Variants in TRAPPC2 observed in about 807,000 individuals in gnomAD.
The protein encoded by TRAPPC2 is sedlin.
Under a neutral mutation model 10.0 loss-of-function variants are expected in TRAPPC2, and 4 were observed. The observed-to-expected ratio is 0.40, with a 90% CI of 0.20 to 0.92. The LOEUF is 0.92. TRAPPC2 is among the 40% of genes least tolerant of loss of function. The pLI, the probability that TRAPPC2 is intolerant of heterozygous loss-of-function variation, is 0.35. For synonymous variants in TRAPPC2, 36 were observed against 37.3 expected (o/e 0.97, Z 0.12); for missense variants, 52 against 108.7 (o/e 0.48, Z 2.32).
Position 13,734,137 on chromosome X carries a change from C to A in TRAPPC2, c.-113G>T. 2.0e-6 allele frequency: 1 copy of A among 511,418 alleles called. No homozygotes were observed. The allele number at this position is 511,418 out of a possible 1,213,427, so 42.1% of individuals were successfully genotyped here. A position where few individuals can be genotyped will look rare whatever the true frequency, so the allele number is the denominator to read the frequency against. ...ATCTTGCTTCCAAGAGGACATCTGG[C>A]AATATCTGGAGACATCTTTGGTTGT... On this transcript the variant is annotated 5_prime_UTR_variant, in exon 2 of 6. Coordinates refer to ENST00000380579, the MANE Select transcript of TRAPPC2 (RefSeq NM_001011658.4).
chrX:13,725,747 G>C (rs1233023069), intron 2 of TRAPPC2, among the ~76,000 whole-genome samples: 1 of 112,395 alleles, frequency 8.9e-6, no homozygotes, highest in African/African-American at 3.2e-5. Flanking sequence ...AAAGCTGGAC[G>C]GAGAATGACT....
rs1388610068 is a variant in TRAPPC2 at position 13,716,089 on chromosome X, T to C, written c.239A>G (p.His80Arg). 8.4e-7 allele frequency: 1 copy of C among 1,185,460 alleles called. No homozygotes were observed. Among genetic ancestry groups the C allele is most frequent in the African/African-American group, 1.8e-5 (1 of 56,759 alleles). ...WFVSAFVTAG[H>R]MRFIMLHDIR... ...GTCATGAAGCATAATAAACCTCATATGTGAAATAATTAAGGCATAATCTTT... is the reference window on the plus strand; with the variant it reads ...GTCATGAAGCATAATAAACCTCATACGTGAAATAATTAAGGCATAATCTTT... Residue 80 changes from histidine (H) to arginine (R), a missense_variant and splice_region_variant, in exon 5 of 6, where the codon CAT becomes CGT. By Grantham distance (29) the His-to-Arg change is conservative. Coordinates refer to ENST00000380579, the MANE Select transcript of TRAPPC2 (RefSeq NM_001011658.4).
intron 2 of TRAPPC2, among the ~76,000 whole-genome samples, chrX:13,730,995 A>G (rs914450584): frequency 9.0e-6 from 1 of 111,293 alleles, no homozygotes; most frequent in African/African-American, 3.3e-5. Flanking sequence ...GCAGCAAACC[A>G]ACATGGCACA....
rs1482329548 is a variant in TRAPPC2, at chrX:13,716,372, T to C, written c.238+162A>G. ...TAAAATTAGCTATTAAACAAAATGT[T>C]TTTCCCCCCTAAAAAAAGAAAAGTA... On this transcript the variant is annotated intron_variant, in intron 4 of 5. Transcript: ENST00000380579. The C allele has an allele frequency of 7.6e-6, 5 of 655,754 alleles. No homozygotes were observed. In the Admixed American group the frequency reaches 1.8e-4, roughly 24 times the overall value. The allele number at this position is 655,754 out of a possible 1,213,427, so 54.0% of individuals were successfully genotyped here. A position where few individuals can be genotyped will look rare whatever the true frequency, so the allele number is the denominator to read the frequency against.
rs145788571 is a variant in TRAPPC2 at position 13,724,963 on chromosome X, C to T, written c.-19-4981G>A. On this transcript the variant is annotated intron_variant, in intron 2 of 5. Transcript: ENST00000380579. The stretch of plus-strand genomic sequence containing the variant: ...AGGAGATTCTCTCCCATGCCTGGCT[C>T]GGCAGGTCCCACGCCCACGGAGCCT... 6.6e-3 allele frequency among the ~76,000 whole-genome samples: 754 copies of T among 113,403 alleles called. 9 individuals are homozygous for T. Among genetic ancestry groups the T allele is most frequent in the African/African-American group, 0.023 (710 of 31,333 alleles).
intron 2 of TRAPPC2, among the ~76,000 whole-genome samples, chrX:13,730,002 C>T (rs934406971): frequency 3.6e-5 from 4 of 111,914 alleles, no homozygotes; most frequent in African/African-American, 9.7e-5. Context: ...ATTCAGGACA[C>T]AGGCATGGGC....
At chrX:13,729,655 TC>T in intron 2 of TRAPPC2, among the ~76,000 whole-genome samples, 1 of 112,017 alleles carries the variant, frequency 8.9e-6, no homozygotes, top group Non-Finnish European at 1.9e-5. Context: ...AAGCCTGTAA[TC>T]CCGGCACTTT....
rs1457043332 is a variant in TRAPPC2 at position 13,712,254 on chromosome X, C to T, written c.*2153G>A. 8.9e-6 allele frequency: 1 copy of T among 111,787 alleles called. No individual in the cohort carries two copies. The highest frequency in any genetic ancestry group is 1.9e-5 in the Non-Finnish European group (1 of 53,214). The allele number at this position is 111,787 out of a possible 1,213,427, so 9.2% of individuals were successfully genotyped here. A position where few individuals can be genotyped will look rare whatever the true frequency, so the allele number is the denominator to read the frequency against. ...TTAAACTACCACGATCTTGAGCAAA[C>T]ATCTTTATTTAAGAAATCAAATAGG... is the stretch of plus-strand genomic sequence containing the variant. On this transcript the variant is annotated 3_prime_UTR_variant, in exon 6 of 6. Coordinates refer to ENST00000380579, the MANE Select transcript of TRAPPC2 (RefSeq NM_001011658.4).
At chrX:13,721,537 G>A (rs2046406311) in intron 2 of TRAPPC2, 1 of 112,102 alleles carries the variant, frequency 8.9e-6, no homozygotes, top group Non-Finnish European at 1.9e-5. Flanking sequence ...ACATACATCT[G>A]AGGTGTGTTA....
At position 13,714,314 on chromosome X, in the gene TRAPPC2, T is replaced by C. The variant is rs2046256715; in HGVS notation, c.*93A>G. On this transcript the variant is annotated 3_prime_UTR_variant, in exon 6 of 6. Coordinates refer to ENST00000380579, the MANE Select transcript of TRAPPC2 (RefSeq NM_001011658.4). Reference sequence around the variant, plus strand: ...TAGATAAGCTGAGAATACACAAAAGTTTTCCAGGCTATTTAATCAAGTAAC... The same window carrying C: ...TAGATAAGCTGAGAATACACAAAAGCTTTCCAGGCTATTTAATCAAGTAAC... The C allele has an allele frequency of 5.8e-6, 3 of 516,589 alleles. No individual in the cohort carries two copies. The highest frequency in any genetic ancestry group is 4.8e-5 in the African/African-American group (2 of 41,973). The allele number at this position is 516,589 out of a possible 1,213,427, so 42.6% of individuals were successfully genotyped here.
At position 13,719,631 on chromosome X, in the gene TRAPPC2, T is replaced by C. The variant is rs150530882; in HGVS notation, c.93+240A>G. 6.5e-3 allele frequency among the ~76,000 whole-genome samples: 733 copies of C among 111,928 alleles called. 9 individuals carry two copies. Among genetic ancestry groups the C allele is most frequent in the African/African-American group, 0.023 (695 of 30,811 alleles). On this transcript the variant is annotated intron_variant, in intron 3 of 5. Coordinates refer to ENST00000380579, the MANE Select transcript of TRAPPC2 (RefSeq NM_001011658.4). ...GTGCTTAAGCAACAGCAATTCATGG[T>C]GGGTGACATAGTGAACTGAGTATGA...
chrX:13,714,246 C>A lies in TRAPPC2; in HGVS notation c.*161G>T. 3.2e-6 allele frequency: 1 copy of A among 315,865 alleles called. No individual in the cohort carries two copies. 26.0% of individuals were successfully genotyped at this position (315,865 alleles called of 1,213,427 possible). ...TGATCTATTGATACGTGACATGAGA[C>A]AGAATGTACTATTTTTAAATATAAA... On this transcript the variant is annotated 3_prime_UTR_variant, in exon 6 of 6. Coordinates refer to ENST00000380579, the MANE Select transcript of TRAPPC2 (RefSeq NM_001011658.4).
chrX:13,727,838 T>C (rs1183259546), intron 2 of TRAPPC2, among the ~76,000 whole-genome samples: 2 of 111,119 alleles, frequency 1.8e-5, no homozygotes, highest in Non-Finnish European at 3.8e-5. Flanking sequence ...ATCAACAAAA[T>C]TGATAGACCA....
At chrX:13,714,610 AGTCTAAAGACCACATTTT>A in intron 5 of TRAPPC2, 105 bp from the exon 6 acceptor site, 2 of 442,289 alleles carry the variant, frequency 4.5e-6, no homozygotes, top group Non-Finnish European at 7.6e-6. Context: ...GACATTCCAA[AGTCTAAAGACCACATTTT>A]TAAGTTTTAT....
At chrX:13,715,017 G>A (rs2046264068) in intron 5 of TRAPPC2, among the ~76,000 whole-genome samples, 1 of 112,318 alleles carries the variant, frequency 8.9e-6, no homozygotes, top group Admixed American at 9.4e-5. Flanking sequence ...TCACTAATGA[G>A]GAAAGGCATT....
At chrX:13,728,449 C>G (rs761127072) in intron 2 of TRAPPC2, among the ~76,000 whole-genome samples, 2 of 111,920 alleles carry the variant, frequency 1.8e-5, no homozygotes, top group Non-Finnish European at 1.9e-5. Context: ...GTTCAACATA[C>G]GCAAATCGAT....
At position 13,728,952 on chromosome X, in the gene TRAPPC2, C is replaced by T. The variant is rs984747974; in HGVS notation, c.-20+5092G>A. On this transcript the variant is annotated intron_variant, in intron 2 of 5. Coordinates refer to ENST00000380579, the MANE Select transcript of TRAPPC2 (RefSeq NM_001011658.4). The stretch of plus-strand genomic sequence containing the variant: ...AAAAATCACAAGCATTCCTATACAC[C>T]AATAATAGACAGAGAGCCAAAGCAT... Among the ~76,000 whole-genome samples the T allele has an allele frequency of 4.5e-5, 5 of 111,521 alleles. No homozygotes were observed. The East Asian group carries it at 1.4e-3, about 31-fold the overall frequency.
intron 2 of TRAPPC2, among the ~76,000 whole-genome samples, chrX:13,730,745 G>T (rs975394699): frequency 1.6e-4 from 18 of 111,145 alleles, no homozygotes; most frequent in African/African-American, 5.6e-4. Flanking sequence ...CCATAAAAAA[G>T]GATGAGTTCA....
Position 13,713,171 on chromosome X carries a change from C to T in TRAPPC2, c.*1236G>A, listed in dbSNP as rs1411820397. The T allele has an allele frequency of 2.7e-5, 3 of 109,172 alleles. No homozygotes were observed. Among genetic ancestry groups the T allele is most frequent in the Non-Finnish European group, 3.8e-5 (2 of 52,599 alleles). The allele number at this position is 109,172 out of a possible 1,213,427, so 9.0% of individuals were successfully genotyped here. A position where few individuals can be genotyped will look rare whatever the true frequency, so the allele number is the denominator to read the frequency against. Reference sequence around the variant, plus strand: ...GGTAAGTCAAAAGCTTATTCCTGGCCGGGCACGGTGGTTCATGCCTGTAAT... The same window carrying T: ...GGTAAGTCAAAAGCTTATTCCTGGCTGGGCACGGTGGTTCATGCCTGTAAT... On this transcript the variant is annotated 3_prime_UTR_variant, in exon 6 of 6. Coordinates refer to ENST00000380579, the MANE Select transcript of TRAPPC2 (RefSeq NM_001011658.4).
Sources: allele counts gnomAD v4.1 joint callset (sites outside exome capture counted in the v4.1 genomes callset), GRCh38; gene constraint gnomAD v4.1.1; transcripts MANE v1.5; gene names NCBI Gene and HGNC (gene_info 2026-07-23, HGNC 2026-07-21).